The following USP34 variants were observed in gnomAD, a reference collection of about 807,000 sequenced individuals.
USP34 encodes ubiquitin specific peptidase 34, also known as ubiquitin carboxyl-terminal hydrolase 34.
Under a neutral mutation model 460.3 loss-of-function variants are expected in USP34, and 70 were observed. That is an observed-to-expected ratio of 0.15 (90% confidence interval 0.13 to 0.19). USP34 has a LOEUF of 0.19. Among genes scored for constraint, USP34 ranks in the 10% least tolerant of loss-of-function variants. The pLI is 1.00. For synonymous variants in USP34, 1,647 were observed against 1,405.3 expected (o/e 1.17, Z -3.85); for missense variants, 3,985 against 4,236.2 (o/e 0.94, Z 1.65).
chr2:61,442,646 T>A (rs1252085560), intron 1 of USP34, among the ~76,000 whole-genome samples: 1 of 152,176 alleles, frequency 6.6e-6, no homozygotes, highest in Non-Finnish European at 1.5e-5. Context: ...GGAACTCTTA[T>A]ACAGTGTTAG....
At chr2:61,213,924 A>G in intron 68 of USP34, 136 bp downstream of exon 68, 1 of 1,081,584 alleles carries the variant, frequency 9.2e-7, no homozygotes, top group Non-Finnish European at 1.3e-6. Flanking sequence ...TGTATTTAAG[A>G]AAACAAATAC....
intron 3 of USP34, among the ~76,000 whole-genome samples, chr2:61,395,904 A>G (rs1035545113): frequency 6.6e-6 from 1 of 152,048 alleles, no homozygotes; most frequent in African/African-American, 2.4e-5. Flanking sequence ...TGTCTCTACG[A>G]AAAATAAAAA....
intron 1 of USP34, among the ~76,000 whole-genome samples, chr2:61,422,728 G>T (rs1694397747): frequency 6.6e-6 from 1 of 152,226 alleles, no homozygotes; most frequent in African/African-American, 2.4e-5. Flanking sequence ...AGAACTGTTA[G>T]AACTAACAGC....
intron 1 of USP34, among the ~76,000 whole-genome samples, chr2:61,422,440 T>A (rs1179524202): frequency 1.3e-5 from 2 of 152,110 alleles, no homozygotes; most frequent in Non-Finnish European, 2.9e-5. Flanking sequence ...TTCCAACTCA[T>A]TCCATCCAAC....
At chr2:61,277,655 G>A (rs926389878) in intron 41 of USP34, 6 of 152,162 alleles carry the variant, frequency 3.9e-5, no homozygotes, top group South Asian at 4.2e-4. Flanking sequence ...TTTTCTTGTC[G>A]GTAATTTCTA....
rs181715653 is a variant in USP34, at chr2:61,462,443, G to A, written c.43+8207C>T. Reference sequence around the variant, plus strand: ...ACGCACCTGTAATCCCAGCTACTTGGGAAGCTGAGGCAGGAGAATTGCTTG... The same window carrying A: ...ACGCACCTGTAATCCCAGCTACTTGAGAAGCTGAGGCAGGAGAATTGCTTG... On this transcript the variant is annotated intron_variant, in intron 1 of 79. Coordinates refer to ENST00000398571, the MANE Select transcript of USP34 (RefSeq NM_014709.4). Among the ~76,000 whole-genome samples, 10 of 151,296 alleles carry A rather than the reference G, an allele frequency of 6.6e-5. No individual in the cohort carries two copies. The East Asian group carries it at 1.9e-3, about 29-fold the overall frequency.
intron 44 of USP34, 64 bp downstream of exon 44, chr2:61,259,647 A>G: frequency 6.5e-7 from 1 of 1,535,508 alleles, no homozygotes; most frequent in South Asian, 1.1e-5. Flanking sequence ...TGGCCTCCCA[A>G]AATGCTATAA....
Position 61,406,130 on chromosome 2 carries a change from T to A in USP34, c.132-2A>T. ...TCCTTGAAGCAGCATAGACATTGCC[T>A]ATAAGAGAAAAAAAATTGAATAAAT... On this transcript the variant is annotated splice_acceptor_variant, in intron 2 of 79. Coordinates refer to ENST00000398571, the MANE Select transcript of USP34 (RefSeq NM_014709.4). LOFTEE classifies it high-confidence loss of function. 1 of 1,535,186 alleles carries A rather than the reference T, an allele frequency of 6.5e-7. No homozygotes were observed. Among genetic ancestry groups the A allele is most frequent in the African/African-American group, 1.4e-5 (1 of 71,832 alleles).
intron 10 of USP34, among the ~76,000 whole-genome samples, chr2:61,369,575 G>A (rs962904223): frequency 2.7e-5 from 4 of 149,792 alleles, no homozygotes; most frequent in Non-Finnish European, 4.4e-5. Context: ...CCGGGGAGGC[G>A]GAGGTTGCAG....
chr2:61,250,205 G>A lies in USP34; in HGVS notation c.6222-1522C>T, dbSNP rs1214765814. The A allele has an allele frequency of 6.7e-5, 11 of 163,338 alleles. No homozygotes were observed. In the South Asian group the frequency reaches 1.1e-3, roughly 16 times the overall value. The allele number at this position is 163,338 out of a possible 1,614,324, so 10.1% of individuals were successfully genotyped here. A position where few individuals can be genotyped will look rare whatever the true frequency, so the allele number is the denominator to read the frequency against. ...TGCACTCCAGCCTGGACAACAGAGC[G>A]AGACTCAAAAAAGAAAAGAAAAACA... On this transcript the variant is annotated intron_variant, in intron 48 of 79. Coordinates refer to ENST00000398571, the MANE Select transcript of USP34 (RefSeq NM_014709.4).
rs1693855340 is a variant in USP34, at chr2:61,405,852, C to T, written c.408G>A (p.Glu136=). 1.2e-6 allele frequency: 2 copies of T among 1,613,836 alleles called. No homozygotes were observed. Among genetic ancestry groups the T allele is most frequent in the South Asian group, 1.1e-5 (1 of 91,050 alleles). The change falls in exon 3 of 80, where the codon GAG becomes GAA. Residue 136 remains glutamate (E), a synonymous_variant. Coordinates refer to ENST00000398571, the MANE Select transcript of USP34 (RefSeq NM_014709.4). Reference sequence around the variant, plus strand: ...GATCAGAACTCTTTGAAGATTCCTCCTCAGTCAGATTACAAATTCTTGTAG... The same window carrying T: ...GATCAGAACTCTTTGAAGATTCCTCTTCAGTCAGATTACAAATTCTTGTAG... ...SNSTRICNLT[E]EESSKSSDPF... is the part of the protein sequence containing the mutation.
intron 37 of USP34, among the ~76,000 whole-genome samples, chr2:61,281,581 T>G (rs1050853722): frequency 1.3e-5 from 2 of 152,212 alleles, no homozygotes; most frequent in African/African-American, 4.8e-5. Context: ...CTCTCCAGAC[T>G]GGGTGGCAGA....
chr2:61,336,809 C>CAAAA (rs10593128), intron 18 of USP34, among the ~76,000 whole-genome samples: 4 of 65,034 alleles, frequency 6.2e-5, no homozygotes, highest in African/African-American at 1.8e-4. Flanking sequence ...GACTCCATCT[C>CAAAA]AAAAAAAAAA....
At chr2:61,310,810 GA>G (rs1202374597) in intron 27 of USP34, among the ~76,000 whole-genome samples, 1 of 151,808 alleles carries the variant, frequency 6.6e-6, no homozygotes, top group Non-Finnish European at 1.5e-5. Context: ...TGTAATACAT[GA>G]AAAAAACTAT....
chr2:61,376,360 T>C (rs1692800259), intron 8 of USP34, among the ~76,000 whole-genome samples: 1 of 152,224 alleles, frequency 6.6e-6, no homozygotes, highest in African/African-American at 2.4e-5. Context: ...TCAATACTTT[T>C]GTTCTCCTCC....
chr2:61,430,265 G>T (rs113528013), intron 1 of USP34, among the ~76,000 whole-genome samples: 1 of 151,270 alleles, frequency 6.6e-6, no homozygotes, highest in Non-Finnish European at 1.5e-5. Flanking sequence ...TTAGCCAGGC[G>T]TGCTGGCACA....
chr2:61,252,104 C>G (rs1457595381), intron 48 of USP34, among the ~76,000 whole-genome samples: 1 of 152,114 alleles, frequency 6.6e-6, no homozygotes, highest in African/African-American at 2.4e-5. Context: ...GCTATGGAAG[C>G]ATGAAAAGGA....
At chr2:61,259,668 G>T in intron 44 of USP34, 43 bp downstream of exon 44, 1 of 1,585,156 alleles carries the variant, frequency 6.3e-7, no homozygotes. Context: ...TTACAGGCAT[G>T]AGCCACAGTG....
In USP34 at chr2:61,229,467, A is replaced by C. The variant is rs1268427808; in HGVS notation, c.7199+81T>G. On this transcript the variant is annotated intron_variant, in intron 59 of 79. Transcript: ENST00000398571. ...AGAAACCCTATCTCTTAAAAAAAAA[A>C]AAAAAAAACAAAAAAAAAAAACAAA... 552 of 604,152 alleles carry C rather than the reference A, an allele frequency of 9.1e-4. 2 individuals carry two copies. The highest frequency in any genetic ancestry group is 1.0e-3 in the Non-Finnish European group (436 of 422,866). 37.4% of individuals were successfully genotyped at this position (604,152 alleles called of 1,614,324 possible). A position where few individuals can be genotyped will look rare whatever the true frequency, so the allele number is the denominator to read the frequency against.
Sources: allele counts gnomAD v4.1 joint callset (sites outside exome capture counted in the v4.1 genomes callset), GRCh38; gene constraint gnomAD v4.1.1; transcripts MANE v1.5; gene names NCBI Gene and HGNC (gene_info 2026-07-23, HGNC 2026-07-21).